The following LOC122513141 variants were observed in gnomAD, a reference collection of about 807,000 sequenced individuals.
At chr9:137,218,657 C>T in the LOC122513141 span, 36 of 398,368 alleles carry the variant, frequency 9.0e-5, no homozygotes, top group Admixed American at 1.4e-3. Flanking sequence ...GACTGGCCCA[C>T]GTCCCCATGC....
chr9:137,217,843 C>T, the LOC122513141 span: 1 of 398,264 alleles, frequency 2.5e-6, no homozygotes, highest in South Asian at 1.4e-4. Flanking sequence ...ACCTGGCCGA[C>T]TCCAGCTCTG....
the LOC122513141 span, chr9:137,217,646 G>T: frequency 8.6e-6 from 2 of 231,324 alleles, no homozygotes; most frequent in Non-Finnish European, 1.7e-5. Context: ...CCTTGCTGGG[G>T]CCCCAGTCAA....
chr9:137,217,768 C>G, the LOC122513141 span: 1 of 359,052 alleles, frequency 2.8e-6, no homozygotes, highest in East Asian at 3.7e-5. Context: ...GGTCCCTGTC[C>G]TCCTATCCTG....
At chr9:137,218,960 A>C in the LOC122513141 span, 4 of 248,674 alleles carry the variant, frequency 1.6e-5, no homozygotes, top group Admixed American at 2.2e-4. Context: ...CGCCGGCCAC[A>C]CTTCCCCTCC....
chr9:137,218,864 T>C, the LOC122513141 span: 6 of 380,882 alleles, frequency 1.6e-5, no homozygotes, highest in African/African-American at 2.1e-5. Flanking sequence ...GGACAGCTCC[T>C]GGAGGAGGCC....
chr9:137,219,344 T>TAAACCAGCTCCTGGGG, the LOC122513141 span: 12 of 150,286 alleles, frequency 8.0e-5, no homozygotes, highest in African/African-American at 2.9e-4. Flanking sequence ...CAGCTTTCAA[T>TAAACCAGCTCCTGGGG]AAACCAGCTC....
chr9:137,218,596 C>T, the LOC122513141 span: 1 of 398,936 alleles, frequency 2.5e-6, no homozygotes, highest in Non-Finnish European at 4.4e-6. Flanking sequence ...ACCGCTCTGG[C>T]CGCTGAGCAG....
the LOC122513141 span, chr9:137,218,690 A>G: frequency 6.1e-3 from 2,439 of 398,086 alleles, 39 homozygotes; most frequent in African/African-American, 0.044. Flanking sequence ...AGGCCTGATG[A>G]CCAGGCTGGA....
chr9:137,219,050 C>T, the LOC122513141 span: 90 of 160,510 alleles, frequency 5.6e-4, no homozygotes, highest in African/African-American at 2.0e-3. Context: ...GGCAGGGACT[C>T]CGCCCACCCT....
chr9:137,218,942 C>T, the LOC122513141 span: 73 of 271,410 alleles, frequency 2.7e-4, no homozygotes, highest in East Asian at 3.9e-3. Flanking sequence ...GTACTGGCCA[C>T]GGGCTGACGC....
chr9:137,218,569 G>A, the LOC122513141 span: 7 of 399,206 alleles, frequency 1.8e-5, no homozygotes, highest in Non-Finnish European at 3.1e-5. Context: ...TGCTGGGACT[G>A]CTCTTCGTGC....
At chr9:137,218,744 C>T in the LOC122513141 span, 2 of 397,314 alleles carry the variant, frequency 5.0e-6, no homozygotes, top group Non-Finnish European at 8.9e-6. Context: ...CAATCAAGAC[C>T]TCCCATTGCT....
At chr9:137,217,819 G>T in the LOC122513141 span, 1 of 397,500 alleles carries the variant, frequency 2.5e-6, no homozygotes, top group African/African-American at 2.1e-5. Context: ...TGTGCCCTGG[G>T]GCCCCCACCC....
chr9:137,217,688 G>A, the LOC122513141 span: 1 of 312,538 alleles, frequency 3.2e-6, no homozygotes, highest in Non-Finnish European at 5.8e-6. Context: ...CCAGCCGGGA[G>A]GTCAGTGCCA....
the LOC122513141 span, chr9:137,217,546 A>AC: frequency 6.3e-6 from 1 of 159,440 alleles, no homozygotes; most frequent in Non-Finnish European, 1.4e-5. Context: ...GGTCGCTGGC[A>AC]CAGGACTAAA....
chr9:137,218,283 C>T, the LOC122513141 span: 4 of 398,196 alleles, frequency 1.0e-5, no homozygotes, highest in Non-Finnish European at 4.4e-6. Flanking sequence ...CTGCTACAGG[C>T]CGACGGGCCC....
At chr9:137,217,701 G>C in the LOC122513141 span, 1 of 331,918 alleles carries the variant, frequency 3.0e-6, no homozygotes, top group African/African-American at 2.1e-5. Context: ...CAGTGCCAGA[G>C]CTCTGGTGGA....
At chr9:137,218,066 G>A in the LOC122513141 span, 1 of 399,282 alleles carries the variant, frequency 2.5e-6, no homozygotes, top group African/African-American at 2.1e-5. Flanking sequence ...GCAGGGGGAA[G>A]AGGAGGAGTG....
the LOC122513141 span, chr9:137,218,922 G>A: frequency 6.4e-6 from 2 of 311,938 alleles, no homozygotes; most frequent in Non-Finnish European, 1.2e-5. Context: ...CCCTGCGGCA[G>A]ACGGGCACCG....
Sources: allele counts gnomAD v4.1 joint callset, GRCh38; gene constraint gnomAD v4.1.1; transcripts MANE v1.5.